The following CAST variants were observed in gnomAD, a reference collection of about 807,000 sequenced individuals.
CAST encodes calpastatin.
Under a neutral mutation model 119.6 loss-of-function variants are expected in CAST, and 76 were observed. That is an observed-to-expected ratio of 0.64 (90% CI 0.53 to 0.77). The LOEUF (loss-of-function observed/expected upper bound fraction) is 0.77, where lower values mean the gene tolerates loss of function less well. CAST is among the 30% of genes least tolerant of loss of function. The pLI is 0.00. For missense variants in CAST, 953 were observed against 946.5 expected (o/e 1.01, Z -0.09); for synonymous variants, 319 against 331.6 (o/e 0.96, Z 0.41).
chr5:96,502,686 C>T, the CAST span, among the ~76,000 whole-genome samples: 70 of 144,744 alleles, frequency 4.8e-4, 1 homozygote, highest in East Asian at 0.013. Context: ...TAAACATTGA[C>T]CTCTATCTGC....
At chr5:96,008,033 C>T in the CAST span, among the ~76,000 whole-genome samples, 10 of 151,058 alleles carry the variant, frequency 6.6e-5, no homozygotes, top group South Asian at 2.1e-3. Context: ...TGTCTACAAG[C>T]CAGAAAGAGG....
intron 1 of CAST, among the ~76,000 whole-genome samples, chr5:96,595,028 T>C (rs1561425669): frequency 6.6e-6 from 1 of 152,212 alleles, no homozygotes; most frequent in East Asian, 1.9e-4. Context: ...CCCCGGTCAA[T>C]TGGCCCTGGA....
the CAST span, among the ~76,000 whole-genome samples, chr5:96,212,654 T>G: frequency 4.8e-4 from 73 of 152,302 alleles, no homozygotes; most frequent in Middle Eastern, 3.4e-3. Flanking sequence ...GCCTAGTTAT[T>G]ATATCAATTG....
chr5:96,284,339 C>T, the CAST span, among the ~76,000 whole-genome samples: 1 of 152,206 alleles, frequency 6.6e-6, no homozygotes, highest in African/African-American at 2.4e-5. Context: ...GATTTTCAGA[C>T]ACCCTGAAAG....
chr5:96,660,678 G>A (rs1468025999), upstream of CAST, among the ~76,000 whole-genome samples: 2 of 152,100 alleles, frequency 1.3e-5, no homozygotes, highest in East Asian at 3.9e-4. Context: ...GTGGAGGCCA[G>A]GAAGGAGGAG....
the CAST span, among the ~76,000 whole-genome samples, chr5:96,164,164 G>C: frequency 6.6e-6 from 1 of 152,026 alleles, no homozygotes; most frequent in Non-Finnish European, 1.5e-5. Context: ...GTTTTGGGGA[G>C]GAAAAAATAT....
the CAST span, among the ~76,000 whole-genome samples, chr5:96,282,201 C>G: frequency 4.6e-5 from 7 of 152,108 alleles, no homozygotes; most frequent in Non-Finnish European, 5.9e-5. Flanking sequence ...TAATACCAGA[C>G]AAAGGAGGCA....
chr5:96,483,816 A>G, the CAST span, among the ~76,000 whole-genome samples: 19 of 152,188 alleles, frequency 1.2e-4, no homozygotes, highest in African/African-American at 4.3e-4. Flanking sequence ...CAACCCTTCA[A>G]AAATAAGAGG....
At chr5:96,368,196 T>C in the CAST span, among the ~76,000 whole-genome samples, 2 of 152,010 alleles carry the variant, frequency 1.3e-5, no homozygotes, top group African/African-American at 4.8e-5. Flanking sequence ...TTTTTAAAAA[T>C]TGTTTGAATT....
chr5:96,592,435 G>A (rs1039152962), intron 1 of CAST, among the ~76,000 whole-genome samples: 2 of 152,070 alleles, frequency 1.3e-5, no homozygotes, highest in Non-Finnish European at 2.9e-5. Context: ...TATAGCAATT[G>A]TCATTGCTGT....
At chr5:96,614,153 G>A (rs1185105576) in intron 1 of CAST, among the ~76,000 whole-genome samples, 2 of 152,320 alleles carry the variant, frequency 1.3e-5, no homozygotes, top group African/African-American at 2.4e-5. Flanking sequence ...ATTTTCTGGT[G>A]AGGAACCCTT....
the CAST span, among the ~76,000 whole-genome samples, chr5:96,132,282 T>C: frequency 6.6e-6 from 1 of 152,262 alleles, no homozygotes; most frequent in South Asian, 2.1e-4. Context: ...AAAAATTTTA[T>C]TGATACATAG....
At chr5:95,964,385 G>A in the CAST span, among the ~76,000 whole-genome samples, 207 of 152,330 alleles carry the variant, frequency 1.4e-3, 3 homozygotes, top group Admixed American at 9.8e-3. Flanking sequence ...TACCAGTTAA[G>A]TATAACATGC....
At chr5:96,425,067 A>AGAAAGAAAGAAG in the CAST span, among the ~76,000 whole-genome samples, 1 of 146,984 alleles carries the variant, frequency 6.8e-6, no homozygotes, top group Admixed American at 6.8e-5. Flanking sequence ...AAAGAAAGAA[A>AGAAAGAAAGAAG]GAAAGAAAAC....
chr5:96,667,912 G>A (rs529867448), intron 1 of CAST, among the ~76,000 whole-genome samples: 3 of 152,354 alleles, frequency 2.0e-5, no homozygotes, highest in African/African-American at 7.2e-5. Flanking sequence ...CTACTCAGGA[G>A]GCTGAGGCAG....
At chr5:96,030,033 T>C in the CAST span, among the ~76,000 whole-genome samples, 3 of 152,128 alleles carry the variant, frequency 2.0e-5, no homozygotes, top group Non-Finnish European at 4.4e-5. Flanking sequence ...AACAAATAAT[T>C]AGTAATTTTG....
chr5:95,979,409 TA>T, the CAST span, among the ~76,000 whole-genome samples: 1 of 152,200 alleles, frequency 6.6e-6, no homozygotes, highest in South Asian at 2.1e-4. Flanking sequence ...ATATGCTAAG[TA>T]ACATTATCAG....
At chr5:96,116,486 C>G in the CAST span, among the ~76,000 whole-genome samples, 1 of 152,272 alleles carries the variant, frequency 6.6e-6, no homozygotes, top group African/African-American at 2.4e-5. Context: ...TTTGCTGGGT[C>G]TGCCATACTG....
At chr5:96,515,955 T>A in the CAST span, among the ~76,000 whole-genome samples, 1 of 151,076 alleles carries the variant, frequency 6.6e-6, no homozygotes, top group Non-Finnish European at 1.5e-5. Flanking sequence ...CTTCTAGACT[T>A]CTAGTGAGAC....
Sources: gnomAD v4.1 joint callset for allele counts (sites outside exome capture counted in the v4.1 genomes callset) on GRCh38, gnomAD v4.1.1 for gene constraint, MANE v1.5 for transcripts, NCBI Gene and HGNC (gene_info 2026-07-23, HGNC 2026-07-21) for gene names.